ATRX: variants seen among roughly 807,000 people sequenced by gnomAD.
ATRX encodes chromatin remodeler ATRX.
In ATRX, 12 loss-of-function variants were observed where a neutral mutation model predicts 172.6. The ratio of observed to expected loss-of-function variants is 0.07; its 90% confidence interval spans 0.04 to 0.11. The LOEUF is 0.11. Ranked by LOEUF, ATRX falls within the 10% of genes least tolerant of loss-of-function variation. The probability of loss-of-function intolerance (pLI) is 1.00; values close to 1 mark genes in which losing one functional copy is unlikely to be tolerated. For synonymous variants in ATRX, 674 were observed against 594.7 expected (o/e 1.13, Z -1.94); for missense variants, 1,368 against 1,767.4 (o/e 0.77, Z 4.05).
At chrX:77,586,482 A>G (rs1170323760) in intron 27 of ATRX, among the ~76,000 whole-genome samples, 1 of 112,058 alleles carries the variant, frequency 8.9e-6, no homozygotes, top group African/African-American at 3.2e-5. Context: ...TAGCAGAGAC[A>G]ATCTATGTTA....
intron 1 of ATRX, among the ~76,000 whole-genome samples, chrX:77,745,319 A>G (rs1390110551): frequency 9.0e-6 from 1 of 110,962 alleles, no homozygotes; most frequent in Non-Finnish European, 1.9e-5. Context: ...CACAATAACC[A>G]AGATTTGGAA....
Position 77,771,310 on chromosome X carries a change from A to C in ATRX, c.20+14672T>G, listed in dbSNP as rs1490285081. ...AGAATCACTTAAACCCAGAAGGCGG[A>C]GGTTGCAGTGAGCCGAGTGAGGCAC... On this transcript the variant is annotated intron_variant, in intron 1 of 34. Coordinates refer to ENST00000373344, the MANE Select transcript of ATRX (RefSeq NM_000489.6). Among the ~76,000 whole-genome samples the C allele has an allele frequency of 3.8e-5, 4 of 105,979 alleles. No individual in the cohort carries two copies. The Admixed American group carries it at 4.2e-4, about 11-fold the overall frequency. 92.0% of individuals were successfully genotyped at this position (105,979 alleles called of 115,157 possible).
At position 77,633,749 on chromosome X, in the gene ATRX, C is replaced by A. The variant is rs781964325; in HGVS notation, c.4810-37G>T. The A allele has an allele frequency of 1.5e-4, 180 of 1,161,369 alleles. No individual in the cohort carries two copies. In the South Asian group the frequency reaches 3.2e-3, roughly 21 times the overall value. On this transcript the variant is annotated intron_variant, in intron 17 of 34. Transcript: ENST00000373344. The stretch of plus-strand genomic sequence containing the variant: ...CAGATTGTCACCTTCGTTTAAATAT[C>A]CACAAAAAAATTTAATAAATTAAGC...
At chrX:77,588,293 C>T (rs1466240601) in intron 27 of ATRX, among the ~76,000 whole-genome samples, 1 of 112,362 alleles carries the variant, frequency 8.9e-6, no homozygotes, top group African/African-American at 3.2e-5. Flanking sequence ...GGATCAAAGA[C>T]CTAAGTGCAA....
At chrX:77,730,776 T>C (rs528307054) in intron 1 of ATRX, among the ~76,000 whole-genome samples, 3 of 111,428 alleles carry the variant, frequency 2.7e-5, no homozygotes, top group Non-Finnish European at 3.8e-5. Flanking sequence ...GGAAAATTCA[T>C]TGAAACAAAT....
rs1333248642 is a variant in ATRX at position 77,505,797 on chromosome X, A to G, written c.*2554T>C. The G allele has an allele frequency of 1.8e-5, 3 of 171,216 alleles. No homozygotes were observed. The highest frequency in any genetic ancestry group is 8.4e-5 in the East Asian group (1 of 11,901). The allele number at this position is 171,216 out of a possible 1,213,427, so 14.1% of individuals were successfully genotyped here. On this transcript the variant is annotated 3_prime_UTR_variant, in exon 35 of 35. Coordinates refer to ENST00000373344, the MANE Select transcript of ATRX (RefSeq NM_000489.6). Reference sequence around the variant, plus strand: ...CACTTTGAATGGTGAAAACACAGATAGTATATTGTCATACTTGAATGCTTT... The same window carrying G: ...CACTTTGAATGGTGAAAACACAGATGGTATATTGTCATACTTGAATGCTTT...
intron 22 of ATRX, among the ~76,000 whole-genome samples, chrX:77,611,032 TCACA>T (rs1437347729): frequency 8.2e-5 from 9 of 110,082 alleles, no homozygotes; most frequent in Non-Finnish European, 1.1e-4. Flanking sequence ...CATTTAAGTG[TCACA>T]CATACATTTT....
chrX:77,696,645 T>G lies in ATRX; in HGVS notation c.302A>C (p.Glu101Ala), dbSNP rs1557149948. 3 of 1,199,505 alleles carry G rather than the reference T, an allele frequency of 2.5e-6. No homozygotes were observed. The highest frequency in any genetic ancestry group is 3.4e-6 in the Non-Finnish European group (3 of 885,626). ...ATTAGACGCATCTTCATTTACAGTT[T>G]CATCATCCAAAGGTTTTTCATCATC... ...ESDDEKPLDD[E>A]TVNEDASNEN... Residue 101 changes from glutamate to alanine, a missense_variant, in exon 5 of 35, where the codon GAA becomes GCA. Coordinates refer to ENST00000373344, the MANE Select transcript of ATRX (RefSeq NM_000489.6).
chrX:77,692,700 T>C (rs1178715119), intron 6 of ATRX, among the ~76,000 whole-genome samples: 6 of 111,795 alleles, frequency 5.4e-5, no homozygotes, highest in African/African-American at 1.9e-4. Flanking sequence ...TTTATAGTTA[T>C]GAATTCTGGC....
At chrX:77,659,418 T>C (rs1408156384) in intron 12 of ATRX, among the ~76,000 whole-genome samples, 1 of 109,123 alleles carries the variant, frequency 9.2e-6, no homozygotes, top group Non-Finnish European at 1.9e-5. Flanking sequence ...AACACTTGTA[T>C]CCCTTCTCCT....
intron 30 of ATRX, among the ~76,000 whole-genome samples, chrX:77,546,570 C>T (rs1427091459): frequency 1.8e-5 from 2 of 110,102 alleles, no homozygotes; most frequent in Non-Finnish European, 3.8e-5. Flanking sequence ...TTGCTCACTG[C>T]AGCCTCGACC....
At chrX:77,566,029 T>G (rs1267670015) in intron 28 of ATRX, among the ~76,000 whole-genome samples, 1 of 110,751 alleles carries the variant, frequency 9.0e-6, no homozygotes, top group Non-Finnish European at 1.9e-5. Flanking sequence ...CCCATGGGAC[T>G]ATAACAAAAG....
At chrX:77,594,831 C>T (rs1004136332) in intron 25 of ATRX, 6 of 111,635 alleles carry the variant, frequency 5.4e-5, no homozygotes, top group Non-Finnish European at 1.1e-4. Context: ...AATGGCTATA[C>T]TGTTTGTAAA....
At chrX:77,767,683 C>T (rs782325292) in intron 1 of ATRX, among the ~76,000 whole-genome samples, 1 of 111,563 alleles carries the variant, frequency 9.0e-6, no homozygotes, top group South Asian at 3.8e-4. Context: ...CCATGAGCCC[C>T]AGTGCCCAGC....
At position 77,682,515 on chromosome X, in the gene ATRX, G is replaced by C. The variant is rs2148589906; in HGVS notation, c.2741C>G (p.Ala914Gly). Residue 914 changes from alanine (A) to glycine (G), a missense_variant, in exon 9 of 35, where the codon GCA becomes GGA. Around this residue, in one of 17 missense-constraint regions of ATRX, gnomAD observed 843 missense variants for 643.1 expected, o/e 1.31. Transcript: ENST00000373344. ...ATCGACACCATCAGTGGAAGCACTTGCTTGCTGCTTCTTAGGAAGTCGATC... is the reference window on the plus strand; with the variant it reads ...ATCGACACCATCAGTGGAAGCACTTCCTTGCTGCTTCTTAGGAAGTCGATC... Reference protein sequence around the residue: ...LRDRLPKKQQASASTDGVDKL... With the variant: ...LRDRLPKKQQGSASTDGVDKL... The C allele has an allele frequency of 8.3e-7, 1 of 1,211,436 alleles. No individual in the cohort carries two copies. The highest frequency in any genetic ancestry group is 1.1e-6 in the Non-Finnish European group (1 of 895,379).
chrX:77,764,076 T>C (rs975094970), intron 1 of ATRX, among the ~76,000 whole-genome samples: 1 of 111,192 alleles, frequency 9.0e-6, no homozygotes, highest in East Asian at 2.9e-4. Flanking sequence ...ATCATGCCAC[T>C]GTACTCTAGC....
At chrX:77,722,963 G>C (rs1482946777) in intron 1 of ATRX, among the ~76,000 whole-genome samples, 1 of 112,141 alleles carries the variant, frequency 8.9e-6, no homozygotes, top group Non-Finnish European at 1.9e-5. Flanking sequence ...TGATAGACTG[G>C]ATAAAGAAAA....
At position 77,614,644 on chromosome X, in the gene ATRX, T is replaced by G. The variant is rs782147521; in HGVS notation, c.5566+1969A>C. On this transcript the variant is annotated intron_variant, in intron 22 of 34. Coordinates refer to ENST00000373344, the MANE Select transcript of ATRX (RefSeq NM_000489.6). ...GGAGTGCATGTGATATTTTGTTACA[T>G]GCATAGAATATGCAATGATCAAGTC... 6.2e-5 allele frequency among the ~76,000 whole-genome samples: 7 copies of G among 112,061 alleles called. No individual in the cohort carries two copies. The South Asian group carries it at 2.6e-3, about 42-fold the overall frequency.
chrX:77,674,271 A>C (rs1603194604), intron 10 of ATRX: 1 of 111,681 alleles, frequency 9.0e-6, no homozygotes, highest in Non-Finnish European at 1.9e-5. Flanking sequence ...ATACTAAAAT[A>C]GTGCAAGAAA....
Sources: gnomAD v4.1 joint callset for allele counts (sites outside exome capture counted in the v4.1 genomes callset) on GRCh38, gnomAD v4.1.1 for gene constraint, gnomAD v4.1.1 regional missense constraint, MANE v1.5 for transcripts, NCBI Gene and HGNC (gene_info 2026-07-23, HGNC 2026-07-21) for gene names.